Variants in DNER observed in about 807,000 individuals in gnomAD.
DNER encodes delta/notch like EGF repeat containing, also known as delta and Notch-like epidermal growth factor-related receptor.
In DNER, 33 loss-of-function variants were observed where a neutral mutation model predicts 78.2. The ratio of observed to expected loss-of-function variants is 0.42; its 90% CI spans 0.32 to 0.56. The LOEUF (loss-of-function observed/expected upper bound fraction) is 0.56, where lower values mean the gene tolerates loss of function less well. Ranked by LOEUF, DNER falls within the 20% of genes least tolerant of loss-of-function variation. The pLI, the probability that DNER is intolerant of heterozygous loss-of-function variation, is 0.11. For missense variants in DNER, 918 were observed against 975.3 expected, an observed-to-expected ratio of 0.94 and a Z score of 0.78; for synonymous variants, 417 against 384.8, an observed-to-expected ratio of 1.08 and a Z score of -0.98.
intron 1 of DNER, 140 bp downstream of exon 1, chr2:229,714,008 G>A (rs1699951553): frequency 1.1e-6 from 1 of 914,460 alleles, no homozygotes; most frequent in South Asian, 5.0e-5. Context: ...CGCGGGCCAA[G>A]AGACTGGATC....
At chr2:229,411,832 G>A (rs73100240) in intron 9 of DNER, among the ~76,000 whole-genome samples, 5,452 of 152,056 alleles carry the variant, frequency 0.036, 294 homozygotes, top group African/African-American at 0.12. Flanking sequence ...TGAGTGAGCA[G>A]AACAATATAA....
intron 11 of DNER, among the ~76,000 whole-genome samples, chr2:229,387,826 G>A (rs1321665473): frequency 6.6e-6 from 1 of 151,882 alleles, no homozygotes; most frequent in African/African-American, 2.4e-5. Flanking sequence ...TACATTTGAA[G>A]ACACTTGAAC....
intron 4 of DNER, among the ~76,000 whole-genome samples, chr2:229,570,877 G>A (rs1697207559): frequency 6.6e-6 from 1 of 152,140 alleles, no homozygotes; most frequent in African/African-American, 2.4e-5. Flanking sequence ...GAGCACGGGG[G>A]AGAAGAGGGG....
At chr2:229,473,175 C>A (rs551545601) in intron 7 of DNER, among the ~76,000 whole-genome samples, 1 of 152,284 alleles carries the variant, frequency 6.6e-6, no homozygotes, top group South Asian at 2.1e-4. Context: ...AGCTTTCCAG[C>A]CTGGGAGGAA....
At chr2:229,619,030 C>T (rs1364048743) in intron 1 of DNER, among the ~76,000 whole-genome samples, 1 of 152,116 alleles carries the variant, frequency 6.6e-6, no homozygotes, top group Non-Finnish European at 1.5e-5. Flanking sequence ...AATGACTATA[C>T]ATGTAATTCT....
rs116749221 is a variant in DNER at position 229,635,230 on chromosome 2, A to C, written c.277-43342T>G. Among the ~76,000 whole-genome samples, 748 of 152,160 alleles carry C rather than the reference A, an allele frequency of 4.9e-3. 6 individuals carry two copies. The highest frequency in any genetic ancestry group is 0.018 in the African/African-American group (727 of 41,508). On this transcript the variant is annotated intron_variant, in intron 1 of 12. Transcript: ENST00000341772. ...TCCTTCTGTCTCCTCGGCAGCAACC[A>C]AGGGGTTCATGCCTAGTACAGCAGG...
intron 1 of DNER, among the ~76,000 whole-genome samples, chr2:229,593,667 G>A (rs978076097): frequency 1.2e-4 from 19 of 152,260 alleles, no homozygotes; most frequent in African/African-American, 4.6e-4. Flanking sequence ...AGGGAGGGAT[G>A]TGAACTTGTT....
chr2:229,381,686 C>A (rs1055461932), intron 11 of DNER, among the ~76,000 whole-genome samples: 1 of 152,196 alleles, frequency 6.6e-6, no homozygotes, highest in Non-Finnish European at 1.5e-5. Flanking sequence ...ACGGAGCCCA[C>A]CGCAGCACTG....
intron 1 of DNER, among the ~76,000 whole-genome samples, chr2:229,601,214 C>T (rs1697820573): frequency 6.6e-6 from 1 of 152,136 alleles, no homozygotes; most frequent in African/African-American, 2.4e-5. Flanking sequence ...CGCAAATGAA[C>T]AATGTTGGGG....
intron 8 of DNER, among the ~76,000 whole-genome samples, chr2:229,428,498 T>A (rs1458209027): frequency 6.6e-6 from 1 of 151,966 alleles, no homozygotes; most frequent in East Asian, 1.9e-4. Context: ...ATTTATTGAG[T>A]CCCCTTCTAT....
Position 229,364,001 on chromosome 2 carries a change from TTTTTTTTTTTTTC to T in DNER, c.2102+2859_2102+2871del, listed in dbSNP as rs1446187657. ...AATTCTCTGCTTTTTTTTTTTTTTT[TTTTTTTTTTTTTC>T]TGAGACAGAGTCTCCCTCTGTCGCC... On this transcript the variant is annotated intron_variant, in intron 12 of 12. Coordinates refer to ENST00000341772, the MANE Select transcript of DNER (RefSeq NM_139072.4). 1.4e-4 allele frequency among the ~76,000 whole-genome samples: 18 copies of T among 132,862 alleles called. 1 individual carries two copies. Among genetic ancestry groups the T allele is most frequent in the Admixed American group, 1.5e-4 (2 of 13,636 alleles). 87.2% of individuals were successfully genotyped at this position (132,862 alleles called of 152,430 possible). A position where few individuals can be genotyped will look rare whatever the true frequency, so the allele number is the denominator to read the frequency against.
In DNER at chr2:229,714,417, G is replaced by A. The variant is rs1212705187; in HGVS notation, c.7C>T (p.Pro3Ser). Residue 3 changes from proline (P) to serine (S), a missense_variant, in exon 1 of 13, where the codon CCC (proline) becomes TCC (serine). Pro to Ser is a moderately conservative substitution (Grantham distance 74). Transcript: ENST00000341772. Reference sequence around the variant, plus strand: ...GCACCGGGCGCCTGGGCGCGGCGGGGCTGCATGGCCGGCCGGGAGGGCGCG... The same window carrying A: ...GCACCGGGCGCCTGGGCGCGGCGGGACTGCATGGCCGGCCGGGAGGGCGCG... MQ[P>S]RRAQAPGAQL... The A allele has an allele frequency of 1.7e-6, 2 of 1,152,332 alleles. No homozygotes were observed. Among genetic ancestry groups the A allele is most frequent in the Non-Finnish European group, 2.1e-6 (2 of 940,040 alleles). 71.4% of individuals were successfully genotyped at this position (1,152,332 alleles called of 1,614,324 possible).
At chr2:229,375,524 T>G (rs1185956939) in intron 11 of DNER, among the ~76,000 whole-genome samples, 3 of 152,210 alleles carry the variant, frequency 2.0e-5, no homozygotes, top group Non-Finnish European at 2.9e-5. Flanking sequence ...GTTCCAAGTA[T>G]GTACTAAAGG....
intron 8 of DNER, among the ~76,000 whole-genome samples, chr2:229,424,967 T>C (rs1693842330): frequency 6.6e-6 from 1 of 152,188 alleles, no homozygotes; most frequent in African/African-American, 2.4e-5. Flanking sequence ...CAAAAATCCC[T>C]TTTGGAGAAC....
chr2:229,705,326 A>C (rs1224225473), intron 1 of DNER, among the ~76,000 whole-genome samples: 1 of 152,216 alleles, frequency 6.6e-6, no homozygotes, highest in Non-Finnish European at 1.5e-5. Flanking sequence ...GCTTTCAGGA[A>C]CTGTGAGCAA....
intron 1 of DNER, among the ~76,000 whole-genome samples, chr2:229,600,215 G>A (rs1404892147): frequency 1.3e-5 from 2 of 152,164 alleles, no homozygotes; most frequent in Admixed American, 6.5e-5. Context: ...TGTAAATAAA[G>A]CTTTATTGGA....
At chr2:229,392,554 G>A (rs1370527737) in intron 10 of DNER, among the ~76,000 whole-genome samples, 3 of 152,030 alleles carry the variant, frequency 2.0e-5, no homozygotes, top group Non-Finnish European at 4.4e-5. Context: ...TGCTGAAGAC[G>A]TGTGTGTGTG....
At chr2:229,683,995 G>T (rs757246762) in intron 1 of DNER, among the ~76,000 whole-genome samples, 5 of 152,066 alleles carry the variant, frequency 3.3e-5, no homozygotes, top group Non-Finnish European at 7.4e-5. Context: ...GACACCTAAG[G>T]CTGGTCTTGT....
chr2:229,366,863 C>G lies in DNER; in HGVS notation c.2102+10G>C. 1 of 1,613,898 alleles carries G rather than the reference C, an allele frequency of 6.2e-7. No individual in the cohort carries two copies. The highest frequency in any genetic ancestry group is 8.5e-7 in the Non-Finnish European group (1 of 1,179,932). On this transcript the variant is annotated intron_variant, in intron 12 of 12. Coordinates refer to ENST00000341772, the MANE Select transcript of DNER (RefSeq NM_139072.4). ...AAGGCAGCATTCCCCACGCCGCCCC[C>G]ACAGCCAACCTGGCATGCCGGATGG... is the stretch of plus-strand genomic sequence containing the variant.
Sources: allele counts gnomAD v4.1 joint callset (sites outside exome capture counted in the v4.1 genomes callset), GRCh38; gene constraint gnomAD v4.1.1; transcripts MANE v1.5; gene names NCBI Gene and HGNC (gene_info 2026-07-23, HGNC 2026-07-21).